The following PTGER4 variants were observed in gnomAD, a reference collection of about 807,000 sequenced individuals.
PTGER4 encodes the protein prostaglandin E receptor 4.
A neutral mutation model predicts 33.2 loss-of-function variants in PTGER4; 11 were observed. The ratio of observed to expected loss-of-function variants is 0.33; its 90% CI spans 0.21 to 0.55. The LOEUF (loss-of-function observed/expected upper bound fraction) is 0.55. Ranked by LOEUF, PTGER4 falls within the 20% of genes least tolerant of loss-of-function variation. The pLI is 0.92. For missense variants in PTGER4, 481 were observed against 650.2 expected (o/e 0.74, Z 2.83); for synonymous variants, 275 against 281.5 (o/e 0.98, Z 0.23).
chr5:40,706,545 TAAC>T, the PTGER4 span, among the ~76,000 whole-genome samples: 2 of 151,946 alleles, frequency 1.3e-5, no homozygotes, highest in East Asian at 3.9e-4. Flanking sequence ...AAAATATGAA[TAAC>T]AACAACAAAA....
At chr5:40,742,330 T>G in the PTGER4 span, among the ~76,000 whole-genome samples, 1 of 152,100 alleles carries the variant, frequency 6.6e-6, no homozygotes, top group African/African-American at 2.4e-5. Flanking sequence ...ATAGTAATAA[T>G]AATAATAACT....
At chr5:40,711,998 A>T in the PTGER4 span, among the ~76,000 whole-genome samples, 6 of 152,134 alleles carry the variant, frequency 3.9e-5, no homozygotes, top group African/African-American at 1.4e-4. Flanking sequence ...AGTGGTGGTG[A>T]AGTGGGTGTT....
chr5:40,746,737 A>T, the PTGER4 span: 1 of 1,239,194 alleles, frequency 8.1e-7, no homozygotes, highest in Non-Finnish European at 1.1e-6. Flanking sequence ...TCATCCCATT[A>T]CGGACAGTGA....
the PTGER4 span, among the ~76,000 whole-genome samples, chr5:40,741,573 C>T: frequency 1.3e-5 from 2 of 152,192 alleles, no homozygotes; most frequent in African/African-American, 4.8e-5. Flanking sequence ...TACTCTGCAA[C>T]TTCTAGCTGT....
At chr5:40,713,039 ACT>A in the PTGER4 span, among the ~76,000 whole-genome samples, 1 of 152,118 alleles carries the variant, frequency 6.6e-6, no homozygotes, top group African/African-American at 2.4e-5. Flanking sequence ...GAAAAACTTA[ACT>A]TTCTCAGTCC....
chr5:40,718,410 A>T, the PTGER4 span, among the ~76,000 whole-genome samples: 47 of 151,840 alleles, frequency 3.1e-4, no homozygotes, highest in South Asian at 2.5e-3. Flanking sequence ...TGTCTCAAAA[A>T]AAATAAATAA....
At chr5:40,726,509 C>A in the PTGER4 span, among the ~76,000 whole-genome samples, 1 of 146,904 alleles carries the variant, frequency 6.8e-6, no homozygotes. Context: ...CTTAAATCTA[C>A]ATAAAAACAG....
the PTGER4 span, among the ~76,000 whole-genome samples, chr5:40,736,031 C>T: frequency 3.3e-5 from 5 of 151,924 alleles, no homozygotes; most frequent in East Asian, 1.9e-4. Flanking sequence ...CAAGAAGGAC[C>T]GAGAGAAAAG....
chr5:40,701,317 G>T, the PTGER4 span, among the ~76,000 whole-genome samples: 1 of 152,178 alleles, frequency 6.6e-6, no homozygotes, highest in Non-Finnish European at 1.5e-5. Flanking sequence ...GGATGAAATA[G>T]CTGGTATCAA....
chr5:40,745,478 T>C, the PTGER4 span, among the ~76,000 whole-genome samples: 18 of 151,966 alleles, frequency 1.2e-4, no homozygotes, highest in Middle Eastern at 3.4e-3. Context: ...ATAAAGCAAA[T>C]ATTAAGAATT....
the PTGER4 span, among the ~76,000 whole-genome samples, chr5:40,707,588 T>C: frequency 6.6e-6 from 1 of 152,114 alleles, no homozygotes; most frequent in Non-Finnish European, 1.5e-5. Flanking sequence ...AATGGGAGAC[T>C]TTAACACCCC....
the PTGER4 span, among the ~76,000 whole-genome samples, chr5:40,727,541 A>G: frequency 6.6e-6 from 1 of 152,188 alleles, no homozygotes; most frequent in Admixed American, 6.5e-5. Flanking sequence ...TCATTTGCAC[A>G]CATTTCTACT....
At chr5:40,745,551 G>A in the PTGER4 span, among the ~76,000 whole-genome samples, 166 of 151,688 alleles carry the variant, frequency 1.1e-3, no homozygotes, top group Non-Finnish European at 1.8e-3. Flanking sequence ...TGGAGACAGC[G>A]TCTCACTCTG....
the PTGER4 span, among the ~76,000 whole-genome samples, chr5:40,737,396 C>T: frequency 1.3e-5 from 2 of 151,876 alleles, no homozygotes; most frequent in Non-Finnish European, 2.9e-5. Context: ...ATAACCAAGA[C>T]CCGAAAATAC....
chr5:40,713,484 G>A, the PTGER4 span, among the ~76,000 whole-genome samples: 5 of 152,116 alleles, frequency 3.3e-5, no homozygotes, highest in Admixed American at 3.3e-4. Flanking sequence ...ATAAAATTTT[G>A]TATGTAGGCC....
At chr5:40,699,243 G>T in the PTGER4 span, among the ~76,000 whole-genome samples, 1 of 149,830 alleles carries the variant, frequency 6.7e-6, no homozygotes, top group East Asian at 1.9e-4. Flanking sequence ...AGGATGAAAA[G>T]ACATAGCAAT....
chr5:40,725,005 C>T, the PTGER4 span, among the ~76,000 whole-genome samples: 2 of 151,924 alleles, frequency 1.3e-5, no homozygotes, highest in African/African-American at 4.8e-5. Context: ...CACCACCATG[C>T]CTGGCTAATT....
chr5:40,681,806 C>T lies in PTGER4; in HGVS notation c.813C>T (p.Val271=), dbSNP rs749332469. 2.2e-5 allele frequency: 35 copies of T among 1,588,044 alleles called. No individual in the cohort carries two copies. Among genetic ancestry groups the T allele is most frequent in the Non-Finnish European group, 2.7e-5 (32 of 1,170,646 alleles). ...RRIAGAEIQM[V]ILLIATSLVV... ...TCGCGGGCGCCGAGATCCAGATGGTCATCTTACTCATTGCCACCTCCCTGG... is the reference window on the plus strand; with the variant it reads ...TCGCGGGCGCCGAGATCCAGATGGTTATCTTACTCATTGCCACCTCCCTGG... Residue 271 remains valine (V), a synonymous_variant, in exon 2 of 3, where the codon GTC becomes GTT. Coordinates refer to ENST00000302472, the MANE Select transcript of PTGER4 (RefSeq NM_000958.3). The surrounding 1 kb of genome is among the most constrained non-coding windows in gnomAD (Gnocchi z 9.8).
At chr5:40,716,430 G>C in the PTGER4 span, 1 of 1,613,814 alleles carries the variant, frequency 6.2e-7, no homozygotes, top group Non-Finnish European at 8.5e-7. Context: ...TTGCCCAAGA[G>C]AGGTCTTCTT....
Sources: allele counts gnomAD v4.1 joint callset (sites outside exome capture counted in the v4.1 genomes callset), GRCh38; gene constraint gnomAD v4.1.1; non-coding constraint Gnocchi (gnomAD v3.1); transcripts MANE v1.5; gene names NCBI Gene and HGNC (gene_info 2026-07-23, HGNC 2026-07-21).